Variants in NUP210L observed in about 807,000 individuals in gnomAD.
NUP210L encodes the protein nuclear pore membrane glycoprotein 210-like.
A neutral mutation model predicts 208.5 loss-of-function variants in NUP210L; 74 were observed. The observed-to-expected ratio is 0.35, with a 90% CI of 0.29 to 0.43. The LOEUF is 0.43. Ranked by LOEUF, NUP210L falls within the 20% of genes least tolerant of loss-of-function variation. The pLI is 1.00. For synonymous variants in NUP210L, 780 were observed against 816.9 expected (o/e 0.95, Z 0.77); for missense variants, 1,843 against 2,289.4 (o/e 0.81, Z 3.98).
At chr1:154,005,525 G>GTGTT (rs557286760) in intron 35 of NUP210L, among the ~76,000 whole-genome samples, 180 of 151,990 alleles carry the variant, frequency 1.2e-3, no homozygotes, top group South Asian at 3.7e-3. Flanking sequence ...ACCGCGCCCA[G>GTGTT]TGTTTGTTTG....
chr1:154,068,825 T>C (rs988359395), intron 17 of NUP210L, among the ~76,000 whole-genome samples: 1 of 126,288 alleles, frequency 7.9e-6, no homozygotes, highest in Admixed American at 8.6e-5. Flanking sequence ...GGGACTGTTG[T>C]GGGGTGGGGG....
At chr1:154,083,620 G>A (rs542849822) in intron 16 of NUP210L, among the ~76,000 whole-genome samples, 3 of 152,074 alleles carry the variant, frequency 2.0e-5, no homozygotes, top group Non-Finnish European at 4.4e-5. Context: ...GCTGGTGTCT[G>A]CTGCTTGATG....
intron 33 of NUP210L, among the ~76,000 whole-genome samples, chr1:154,015,404 G>C (rs906187879): frequency 2.0e-5 from 3 of 151,696 alleles, no homozygotes; most frequent in African/African-American, 7.3e-5. Flanking sequence ...TGGGCAACAG[G>C]GTGAAACCCC....
chr1:154,045,743 A>G (rs1653140009), intron 27 of NUP210L, among the ~76,000 whole-genome samples: 1 of 152,172 alleles, frequency 6.6e-6, no homozygotes, highest in South Asian at 2.1e-4. Flanking sequence ...GCACTTCGGG[A>G]GGTCACAGTG....
At chr1:154,086,663 T>A (rs976254663) in intron 16 of NUP210L, among the ~76,000 whole-genome samples, 2 of 150,206 alleles carry the variant, frequency 1.3e-5, no homozygotes, top group African/African-American at 4.9e-5. Context: ...AAAAAAAAAA[T>A]TAGCTGGGTA....
At chr1:154,042,389 C>A (rs772645521) in intron 27 of NUP210L, among the ~76,000 whole-genome samples, 2 of 151,692 alleles carry the variant, frequency 1.3e-5, no homozygotes, top group African/African-American at 4.8e-5. Context: ...AGCTGTGAGC[C>A]GCCGCACCCA....
chr1:154,119,637 G>A (rs1314284927), intron 10 of NUP210L, among the ~76,000 whole-genome samples: 5 of 151,990 alleles, frequency 3.3e-5, no homozygotes, highest in Non-Finnish European at 7.4e-5. Context: ...TAAATAATAA[G>A]GTTCTACAGG....
chr1:154,151,666 T>A lies in NUP210L; in HGVS notation c.340+1070A>T, dbSNP rs140379992. Among the ~76,000 whole-genome samples the A allele has an allele frequency of 8.5e-3, 1,292 of 152,272 alleles. 16 individuals are homozygous for A. The highest frequency in any genetic ancestry group is 0.03 in the African/African-American group (1,239 of 41,550). On this transcript the variant is annotated intron_variant, in intron 2 of 39. Transcript: ENST00000368559. ...GTGGTTTTTAAAAATTCTTTTAATTTATTTATTATTATTGTTTTGTAGAGA... is the reference window on the plus strand; with the variant it reads ...GTGGTTTTTAAAAATTCTTTTAATTAATTTATTATTATTGTTTTGTAGAGA...
At chr1:153,996,848 CTTTT>C (rs747835495) in intron 37 of NUP210L, among the ~76,000 whole-genome samples, 1 of 103,728 alleles carries the variant, frequency 9.6e-6, no homozygotes, top group Non-Finnish European at 2.0e-5. Context: ...GTAGACTTGC[CTTTT>C]TTTTTTTTTT....
chr1:154,093,042 T>C lies in NUP210L; in HGVS notation c.2187+1893A>G, dbSNP rs534387265. On this transcript the variant is annotated intron_variant, in intron 15 of 39. Transcript: ENST00000368559. The stretch of plus-strand genomic sequence containing the variant: ...GCCCAGCCTTAGAGTTTCAGTTGTA[T>C]AAGATGAAAAGAGATGGATGGTAGT... Among the ~76,000 whole-genome samples, 15 of 152,248 alleles carry C rather than the reference T, an allele frequency of 9.9e-5. No homozygotes were observed. In the East Asian group the frequency reaches 2.3e-3, roughly 24 times the overall value.
chr1:154,062,291 A>C (rs959628770), intron 17 of NUP210L, among the ~76,000 whole-genome samples: 3 of 152,116 alleles, frequency 2.0e-5, no homozygotes, highest in African/African-American at 7.2e-5. Flanking sequence ...TGACAAGTGT[A>C]ATTTTTTGTC....
At chr1:154,085,020 G>T (rs1170193401) in intron 16 of NUP210L, among the ~76,000 whole-genome samples, 1 of 142,526 alleles carries the variant, frequency 7.0e-6, no homozygotes, top group Admixed American at 6.8e-5. Context: ...AAAGTGCTGG[G>T]ATTACAGGCG....
intron 7 of NUP210L, among the ~76,000 whole-genome samples, chr1:154,134,134 G>C (rs1369932936): frequency 6.9e-6 from 1 of 145,716 alleles, no homozygotes; most frequent in Non-Finnish European, 1.5e-5. Flanking sequence ...TGGGCAACAA[G>C]AGCAAAACTC....
At chr1:153,993,044 T>C (rs1013291152) in exon 39 of NUP210L, 2 of 1,613,696 alleles carry the variant, frequency 1.2e-6, no homozygotes, top group African/African-American at 1.3e-5. Context: ...AGTTGGTACA[T>C]ACACAACTGG....
At chr1:154,105,735 G>A (rs1656724045) in intron 12 of NUP210L, among the ~76,000 whole-genome samples, 1 of 152,172 alleles carries the variant, frequency 6.6e-6, no homozygotes, top group Non-Finnish European at 1.5e-5. Context: ...GGCTTCAGGG[G>A]TCCCCAATTT....
intron 30 of NUP210L, among the ~76,000 whole-genome samples, chr1:154,024,182 AT>A (rs927881109): frequency 2.7e-4 from 41 of 152,198 alleles, no homozygotes; most frequent in African/African-American, 8.9e-4. Flanking sequence ...AGTGCTCAAT[AT>A]TTATGGTTAA....
rs747669202 is a variant in NUP210L, at chr1:154,138,130, T to C, written c.826A>G (p.Lys276Glu). The change falls in exon 6 of 40, where the codon AAA becomes GAA. Residue 276 changes from lysine (K) to glutamate (E), a missense_variant. Lys to Glu is a moderately conservative substitution (Grantham distance 56, BLOSUM62 1). This residue lies in a region of NUP210L where 542 missense variants were observed against 606.4 expected (regional missense o/e 0.89). Coordinates refer to ENST00000368559, the Ensembl canonical transcript of NUP210L. ...CCTGTCACTCTCCCTTGAACCATTT[T>C]TGCAACTTGGTATTTAATATATGTT... 8 of 1,505,738 alleles carry C rather than the reference T, an allele frequency of 5.3e-6. No homozygotes were observed. In the South Asian group the frequency reaches 1.1e-4, roughly 21 times the overall value. 93.3% of individuals were successfully genotyped at this position (1,505,738 alleles called of 1,614,324 possible). A position where few individuals can be genotyped will look rare whatever the true frequency, so the allele number is the denominator to read the frequency against.
intron 4 of NUP210L, 150 bp from the exon 5 acceptor site, chr1:154,140,102 G>A: frequency 1.6e-6 from 1 of 622,404 alleles, no homozygotes; most frequent in South Asian, 2.4e-5. Flanking sequence ...TGTAATCCTA[G>A]CACTTTGGGA....
chr1:154,068,084 G>A (rs964651405), intron 17 of NUP210L, among the ~76,000 whole-genome samples: 26 of 151,270 alleles, frequency 1.7e-4, no homozygotes, highest in African/African-American at 6.0e-4. Flanking sequence ...TCACAGAATT[G>A]GAAAAGTTCA....
Sources: allele counts gnomAD v4.1 joint callset (sites outside exome capture counted in the v4.1 genomes callset), GRCh38; gene constraint gnomAD v4.1.1; regional missense constraint gnomAD v4.1.1; transcripts MANE v1.5; gene names NCBI Gene and HGNC (gene_info 2026-07-23, HGNC 2026-07-21).